C3: variants seen among roughly 807,000 people sequenced by gnomAD.
C3 encodes C3 and PZP-like alpha-2-macroglobulin domain-containing protein 1.
A neutral mutation model predicts 207.9 loss-of-function variants in C3; 97 were observed. The observed-to-expected ratio is 0.47, with a 90% CI of 0.40 to 0.55. The LOEUF (loss-of-function observed/expected upper bound fraction) is 0.55. C3 is among the 20% of genes least tolerant of loss of function. C3 has a pLI of 0.00. For missense variants in C3, 1,684 were observed against 2,171.7 expected (o/e 0.78, Z 4.46); for synonymous variants, 848 against 857.6 (o/e 0.99, Z 0.20).
Position 6,697,049 on chromosome 19 carries a change from T to TAAAAAAAATAA in C3, c.2796+294_2796+295insTTATTTTTTTT, listed in dbSNP as rs202245108. 2.6e-4 allele frequency among the ~76,000 whole-genome samples: 24 copies of TAAAAAAAATAA among 91,548 alleles called. 1 individual carries two copies. Among genetic ancestry groups the TAAAAAAAATAA allele is most frequent in the Admixed American group, 2.3e-3 (18 of 7,678 alleles). 60.1% of individuals were successfully genotyped at this position (91,548 alleles called of 152,430 possible). On this transcript the variant is annotated intron_variant, in intron 21 of 40. Transcript: ENST00000245907. ...AGAGTGAGACTCTGTCTCAAAAAAA[T>TAAAAAAAATAA]AAACAAACAAATAAATAAATAAATA... is the stretch of plus-strand genomic sequence containing the variant.
In C3 at chr19:6,689,320, T is replaced by TCTCTACCTACCTAC. The variant is rs1555684196; in HGVS notation, c.3489+1308_3489+1309insGTAGGTAGGTAGAG. Among the ~76,000 whole-genome samples, 24 of 72,384 alleles carry TCTCTACCTACCTAC rather than the reference T, an allele frequency of 3.3e-4. 1 individual carries two copies. The highest frequency in any genetic ancestry group is 1.3e-3 in the African/African-American group (20 of 15,552). The allele number at this position is 72,384 out of a possible 152,430, so 47.5% of individuals were successfully genotyped here. ...TCTCCTCTCTCTCTCTCTCTCTCTCTCTACCTACCTCCCTCCCTCCCTCCC... is the reference window on the plus strand; with the variant it reads ...TCTCCTCTCTCTCTCTCTCTCTCTCTCTCTACCTACCTACCTACCTACCTCCCTCCCTCCCTCCC... On this transcript the variant is annotated intron_variant, in intron 27 of 40. Transcript: ENST00000245907.
intron 28 of C3, chr19:6,686,503 G>A: frequency 1.4e-6 from 1 of 710,476 alleles, no homozygotes; most frequent in East Asian, 2.5e-5. Context: ...CGCATTTGTT[G>A]AATAAATGAC....
chr19:6,694,196 G>A (rs451429), intron 24 of C3, among the ~76,000 whole-genome samples: 2,200 of 82,414 alleles, frequency 0.027, 108 homozygotes, highest in African/African-American at 0.079. Flanking sequence ...GGGCCCTCAG[G>A]GGATGGGCAT....
chr19:6,684,672 C>T, intron 31 of C3, 22 bp from the exon 32 acceptor site: 1 of 1,607,498 alleles, frequency 6.2e-7, no homozygotes, highest in Non-Finnish European at 8.5e-7. Context: ...GGAGAGGAGA[C>T]ACAATGTCAG....
At chr19:6,713,368 G>C in intron 8 of C3, 39 bp downstream of exon 8, 1 of 1,613,876 alleles carries the variant, frequency 6.2e-7, no homozygotes. Context: ...AGGTGGCGGG[G>C]ACTGGGGCAG....
rs547963274 is a variant in C3, at chr19:6,718,037, CTT to C, written c.504+55_504+56del. 9.3e-4 allele frequency: 1,426 copies of C among 1,528,276 alleles called. 9 individuals are homozygous for C. Among genetic ancestry groups the C allele is most frequent in the Middle Eastern group, 6.7e-3 (38 of 5,636 alleles). The allele number at this position is 1,528,276 out of a possible 1,614,324, so 94.7% of individuals were successfully genotyped here. On this transcript the variant is annotated intron_variant, in intron 4 of 40. Coordinates refer to ENST00000245907, the MANE Select transcript of C3 (RefSeq NM_000064.4). ...TGTCTTTCTCTGTCTCTCTCGATCT[CTT>C]TGCCTCTCCTAAGCCTGTGCCCCTG...
intron 27 of C3, among the ~76,000 whole-genome samples, chr19:6,689,643 C>T (rs891050039): frequency 1.8e-4 from 27 of 152,018 alleles, no homozygotes; most frequent in African/African-American, 5.1e-4. Flanking sequence ...GTCAGGAGTT[C>T]GAAACCAGCC....
chr19:6,704,528 G>A (rs1232517514), intron 17 of C3, among the ~76,000 whole-genome samples: 1 of 152,120 alleles, frequency 6.6e-6, no homozygotes. Context: ...GGAGGCGGAG[G>A]CGGGCAGATC....
Position 6,714,116 on chromosome 19 carries a change from T to C in C3, c.683-34A>G, listed in dbSNP as rs774712170. ...GAGATGGCGTTGGTGGGGCCGGCGC[T>C]GGGCCAGGCGTTCTGGGCACTGACT... On this transcript the variant is annotated intron_variant, in intron 6 of 40. Transcript: ENST00000245907. 4 of 1,610,042 alleles carry C rather than the reference T, an allele frequency of 2.5e-6. No homozygotes were observed. The Admixed American group carries it at 6.7e-5, about 27-fold the overall frequency.
chr19:6,696,546 C>G lies in C3; in HGVS notation c.2863+47G>C, dbSNP rs2287846. The G allele has an allele frequency of 0.64, 1,029,586 of 1,601,806 alleles. 335,720 individuals are homozygous for G. Among genetic ancestry groups the G allele is most frequent in the East Asian group, 0.86 (38,618 of 44,790 alleles). On this transcript the variant is annotated intron_variant, in intron 22 of 40. Transcript: ENST00000245907. ...CTCACTAAACCCAGGTCATTTACCC[C>G]CCTTACCCTGCCAGCCCCTCAGCCC...
At chr19:6,682,312 A>G in intron 33 of C3, 83 bp from the exon 34 acceptor site, 1 of 987,330 alleles carries the variant, frequency 1.0e-6, no homozygotes, top group African/African-American at 1.6e-5. Flanking sequence ...AGGTCTGATC[A>G]GGCACTGAGA....
rs181884704 is a variant in C3 at position 6,703,934 on chromosome 19, G to A, written c.2246-1355C>T. Among the ~76,000 whole-genome samples, 99 of 151,246 alleles carry A rather than the reference G, an allele frequency of 6.5e-4. 1 individual carries two copies. Among genetic ancestry groups the A allele is most frequent in the Non-Finnish European group, 7.4e-4 (50 of 67,740 alleles). ...CTGCACTCCAGCCTGGCGACAGAGC[G>A]AGACTCCCTCTCAAACAAACAAACA... On this transcript the variant is annotated intron_variant, in intron 17 of 40. Coordinates refer to ENST00000245907, the MANE Select transcript of C3 (RefSeq NM_000064.4).
In C3 at chr19:6,677,763, G is replaced by A; in HGVS notation, c.*119C>T. On this transcript the variant is annotated 3_prime_UTR_variant, in exon 41 of 41. Coordinates refer to ENST00000245907, the MANE Select transcript of C3 (RefSeq NM_000064.4). ...TGGGAACAGGTGAGGTTTCAAGTAGGATGGAGCTGAGCTGCAGGTGAGGCG... is the reference window on the plus strand; with the variant it reads ...TGGGAACAGGTGAGGTTTCAAGTAGAATGGAGCTGAGCTGCAGGTGAGGCG... The A allele has an allele frequency of 7.9e-7, 1 of 1,262,330 alleles. No homozygotes were observed. The highest frequency in any genetic ancestry group is 1.5e-5 in the African/African-American group (1 of 68,120). The allele number at this position is 1,262,330 out of a possible 1,614,324, so 78.2% of individuals were successfully genotyped here.
rs966935963 is a variant in C3 at position 6,684,568 on chromosome 19, G to A, written c.4112C>T (p.Pro1371Leu). 1.1e-5 allele frequency: 18 copies of A among 1,613,008 alleles called. No homozygotes were observed. The highest frequency in any genetic ancestry group is 2.7e-5 in the African/African-American group (2 of 74,880). ...FDLKVTIKPA[P>L]ETEKRPQDAK... ...GCCTTGATTCCTTTTACCTGTTTCCGGTGCTGGTTTTATGGTGACCTTGAG... is the reference window on the plus strand; with the variant it reads ...GCCTTGATTCCTTTTACCTGTTTCCAGTGCTGGTTTTATGGTGACCTTGAG... Residue 1371 changes from proline (P) to leucine (L), a missense_variant, in exon 32 of 41, where the codon CCG becomes CTG. By Grantham distance (98) the Pro-to-Leu change is moderately conservative. Coordinates refer to ENST00000245907, the MANE Select transcript of C3 (RefSeq NM_000064.4).
Position 6,700,020 on chromosome 19 carries a change from ATAT to A in C3, c.2440+2104_2440+2106del, listed in dbSNP as rs368250926. On this transcript the variant is annotated intron_variant, in intron 19 of 40. Coordinates refer to ENST00000245907, the MANE Select transcript of C3 (RefSeq NM_000064.4). ...TAACATGTCAACAATAACAAATGACATATTAGTAGTAAATTATAATTATACATT... is the reference window on the plus strand; with the variant it reads ...TAACATGTCAACAATAACAAATGACATAGTAGTAAATTATAATTATACATT... 6.3e-4 allele frequency among the ~76,000 whole-genome samples: 94 copies of A among 148,366 alleles called. 1 individual carries two copies. In the East Asian group the frequency reaches 0.014, roughly 22 times the overall value.
Position 6,697,690 on chromosome 19 carries a change from C to T in C3, c.2545G>A (p.Ala849Thr). ...VVRNEQVEIR[A>T]VLYNYRQNQE... Reference sequence around the variant, plus strand: ...TTCTGCCGGTAATTGTAGAGAACGGCTCGGATTTCCACCTGCTCGTTTCGA... The same window carrying T: ...TTCTGCCGGTAATTGTAGAGAACGGTTCGGATTTCCACCTGCTCGTTTCGA... Residue 849 changes from alanine (A) to threonine (T), a missense_variant, in exon 20 of 41, where the codon GCC (alanine) becomes ACC (threonine). Transcript: ENST00000245907. 6.2e-7 allele frequency: 1 copy of T among 1,614,124 alleles called. No individual in the cohort carries two copies. Among genetic ancestry groups the T allele is most frequent in the South Asian group, 1.1e-5 (1 of 91,070 alleles).
At chr19:6,707,019 G>C (rs1967791436) in intron 17 of C3, 57 bp downstream of exon 17, 2 of 1,187,540 alleles carry the variant, frequency 1.7e-6, no homozygotes, top group Middle Eastern at 5.6e-4. Flanking sequence ...CCTCAGACAG[G>C]AGTCTCCTCC....
chr19:6,715,624 T>G (rs1053101217), intron 4 of C3, among the ~76,000 whole-genome samples: 10 of 147,932 alleles, frequency 6.8e-5, no homozygotes, highest in Admixed American at 4.7e-4. Context: ...TTTTTGTTTT[T>G]TTTGTTTTTT....
At chr19:6,703,031 C>A (rs1296132725) in intron 17 of C3, among the ~76,000 whole-genome samples, 1 of 152,112 alleles carries the variant, frequency 6.6e-6, no homozygotes, top group Non-Finnish European at 1.5e-5. Flanking sequence ...CAGACTCCAT[C>A]TGAAAACAAA....
Sources: gnomAD v4.1 joint callset for allele counts (sites outside exome capture counted in the v4.1 genomes callset) on GRCh38, gnomAD v4.1.1 for gene constraint, MANE v1.5 for transcripts, NCBI Gene and HGNC (gene_info 2026-07-23, HGNC 2026-07-21) for gene names.